The following ZNF804A variants were observed in gnomAD, a reference collection of about 807,000 sequenced individuals.
ZNF804A encodes zinc finger protein 804A.
A neutral mutation model predicts 16.5 loss-of-function variants in ZNF804A; 2 were observed. The ratio of observed to expected loss-of-function variants is 0.12; its 90% confidence interval spans 0.05 to 0.38. The LOEUF (loss-of-function observed/expected upper bound fraction) is 0.38. Ranked by LOEUF, ZNF804A falls within the 10% of genes least tolerant of loss-of-function variation. The probability of loss-of-function intolerance (pLI) is 0.99; values close to 1 mark genes in which losing one functional copy is unlikely to be tolerated. For missense variants in ZNF804A, 1,473 were observed against 1,390.7 expected, an observed-to-expected ratio of 1.06 and a Z score of -0.94; for synonymous variants, 534 against 489.6, an observed-to-expected ratio of 1.09 and a Z score of -1.20.
chr2:184,903,255 A>G (rs1487721595), intron 2 of ZNF804A, among the ~76,000 whole-genome samples: 1 of 152,170 alleles, frequency 6.6e-6, no homozygotes, highest in Non-Finnish European at 1.5e-5. Context: ...AGATTACTTC[A>G]AAAATACAGT....
intron 1 of ZNF804A, among the ~76,000 whole-genome samples, chr2:184,650,391 A>C (rs756565433): frequency 6.6e-6 from 1 of 152,176 alleles, no homozygotes; most frequent in Non-Finnish European, 1.5e-5. Context: ...TCTCCTGGAG[A>C]TCTAGAACAA....
intron 1 of ZNF804A, among the ~76,000 whole-genome samples, chr2:184,710,540 T>C (rs1308846500): frequency 1.3e-5 from 2 of 151,764 alleles, no homozygotes; most frequent in African/African-American, 4.8e-5. Context: ...ATATGTAGCC[T>C]CTCAACAAAG....
chr2:184,668,172 TATA>T (rs1482255400), intron 1 of ZNF804A, among the ~76,000 whole-genome samples: 1 of 151,824 alleles, frequency 6.6e-6, no homozygotes, highest in Admixed American at 6.6e-5. Flanking sequence ...TTTAATAAAT[TATA>T]ATTGTATATA....
In ZNF804A at chr2:184,840,981, C is replaced by T. The variant is rs140399105; in HGVS notation, c.112-25388C>T. Among the ~76,000 whole-genome samples the T allele has an allele frequency of 3.6e-3, 544 of 152,180 alleles. 5 individuals carry two copies. The highest frequency in any genetic ancestry group is 0.01 in the Middle Eastern group (3 of 294). ...AGACGTTTCGCCATAATGCTGCAAG[C>T]GAACAATGGAAATTCAGTGAGTTTT... On this transcript the variant is annotated intron_variant, in intron 1 of 3. Coordinates refer to ENST00000302277, the MANE Select transcript of ZNF804A (RefSeq NM_194250.2).
At chr2:184,801,873 T>C (rs1694732386) in intron 1 of ZNF804A, among the ~76,000 whole-genome samples, 1 of 152,138 alleles carries the variant, frequency 6.6e-6, no homozygotes. Context: ...AATCTGGGTA[T>C]TATGTTAGGA....
intron 1 of ZNF804A, among the ~76,000 whole-genome samples, chr2:184,670,974 G>T (rs1173720136): frequency 6.6e-6 from 1 of 151,906 alleles, no homozygotes; most frequent in African/African-American, 2.4e-5. Flanking sequence ...CATCTACCTG[G>T]GGCTTCTTTT....
intron 1 of ZNF804A, among the ~76,000 whole-genome samples, chr2:184,778,765 G>C (rs1352012325): frequency 1.3e-5 from 2 of 151,620 alleles, no homozygotes; most frequent in Admixed American, 1.3e-4. Context: ...GACTGTCATT[G>C]ATGTTGGAGG....
intron 1 of ZNF804A, among the ~76,000 whole-genome samples, chr2:184,661,415 G>A (rs570230743): frequency 1.3e-5 from 2 of 152,272 alleles, no homozygotes; most frequent in East Asian, 3.9e-4. Flanking sequence ...GTGACCAAAA[G>A]GAATAAGCTA....
In ZNF804A at chr2:184,683,236, CATT is replaced by C. The variant is rs1692571444; in HGVS notation, c.111+84173_111+84175del. On this transcript the variant is annotated intron_variant, in intron 1 of 3. Transcript: ENST00000302277. Reference sequence around the variant, plus strand: ...ATTCAATGTCTACTTTTTAAACCCACATTATTATTTGTTTCATTTCATGATTAT... The same window carrying C: ...ATTCAATGTCTACTTTTTAAACCCACATTATTTGTTTCATTTCATGATTAT... Among the ~76,000 whole-genome samples, 11 of 152,038 alleles carry C rather than the reference CATT, an allele frequency of 7.2e-5. No homozygotes were observed. The South Asian group carries it at 2.3e-3, about 32-fold the overall frequency.
intron 1 of ZNF804A, among the ~76,000 whole-genome samples, chr2:184,696,772 T>C (rs535544579): frequency 6.1e-4 from 93 of 152,190 alleles, no homozygotes; most frequent in African/African-American, 2.2e-3. Context: ...TCCTTATTCC[T>C]GTGTTCTTGC....
chr2:184,757,259 G>T (rs1309198368), intron 1 of ZNF804A, among the ~76,000 whole-genome samples: 2 of 151,934 alleles, frequency 1.3e-5, no homozygotes, highest in Non-Finnish European at 2.9e-5. Context: ...GTGAACTTCA[G>T]GTTTGTTCCA....
rs139126655 is a variant in ZNF804A, at chr2:184,892,663, T to C, written c.255+26151T>C. 2.1e-3 allele frequency among the ~76,000 whole-genome samples: 326 copies of C among 152,102 alleles called. 1 individual carries two copies. Among genetic ancestry groups the C allele is most frequent in the Middle Eastern group, 6.8e-3 (2 of 294 alleles). ...CATGCCCGGCTAATTTTTGTATTTTTACAATATACAGGGTTTCGCCTGTTG... is the reference window on the plus strand; with the variant it reads ...CATGCCCGGCTAATTTTTGTATTTTCACAATATACAGGGTTTCGCCTGTTG... On this transcript the variant is annotated intron_variant, in intron 2 of 3. Coordinates refer to ENST00000302277, the MANE Select transcript of ZNF804A (RefSeq NM_194250.2).
chr2:184,932,488 A>G (rs996166285), intron 2 of ZNF804A, among the ~76,000 whole-genome samples: 2 of 152,106 alleles, frequency 1.3e-5, no homozygotes, highest in East Asian at 3.9e-4. Flanking sequence ...AGACTCATTC[A>G]CTATCACAAT....
chr2:184,731,306 T>C (rs1377279880), intron 1 of ZNF804A, among the ~76,000 whole-genome samples: 1 of 128,992 alleles, frequency 7.8e-6, no homozygotes, highest in African/African-American at 2.9e-5. Context: ...AAGAAACTGC[T>C]AAACTGTGTT....
At chr2:184,754,227 A>G (rs759426920) in intron 1 of ZNF804A, among the ~76,000 whole-genome samples, 1 of 151,994 alleles carries the variant, frequency 6.6e-6, no homozygotes, top group African/African-American at 2.4e-5. Context: ...GACACTATTG[A>G]CAGATATTGT....
At chr2:184,831,674 G>T (rs1440676980) in intron 1 of ZNF804A, among the ~76,000 whole-genome samples, 6 of 151,390 alleles carry the variant, frequency 4.0e-5, no homozygotes, top group Non-Finnish European at 8.8e-5. Flanking sequence ...ATAGTCTCTA[G>T]TTGAATTAAT....
chr2:184,717,246 C>A (rs1266906247), intron 1 of ZNF804A, among the ~76,000 whole-genome samples: 3 of 152,122 alleles, frequency 2.0e-5, no homozygotes, highest in Non-Finnish European at 2.9e-5. Flanking sequence ...GCCCTGAAAT[C>A]TTTTCATTTA....
intron 1 of ZNF804A, among the ~76,000 whole-genome samples, chr2:184,827,742 G>C (rs1306196362): frequency 6.6e-6 from 1 of 151,330 alleles, no homozygotes; most frequent in African/African-American, 2.4e-5. Flanking sequence ...GGCTGAATTA[G>C]TAATTTATTC....
chr2:184,849,991 C>T (rs1034017338), intron 1 of ZNF804A, among the ~76,000 whole-genome samples: 1 of 151,900 alleles, frequency 6.6e-6, no homozygotes, highest in Non-Finnish European at 1.5e-5. Flanking sequence ...TGTATGTTCT[C>T]ACTCATATGT....
Sources: allele counts gnomAD v4.1 joint callset (sites outside exome capture counted in the v4.1 genomes callset), GRCh38; gene constraint gnomAD v4.1.1; transcripts MANE v1.5; gene names NCBI Gene and HGNC (gene_info 2026-07-23, HGNC 2026-07-21).